PARD3B: variants seen among roughly 807,000 people sequenced by gnomAD.
PARD3B encodes the protein par-3 family cell polarity regulator beta, also known as partitioning defective 3 homolog B.
Under a neutral mutation model 130.2 loss-of-function variants are expected in PARD3B, and 103 were observed. The ratio of observed to expected loss-of-function variants is 0.79; its 90% CI spans 0.67 to 0.93. The LOEUF is 0.93. Among genes scored for constraint, PARD3B ranks in the 40% least tolerant of loss-of-function variants. The pLI is 0.00. For synonymous variants in PARD3B, 583 were observed against 553.2 expected (o/e 1.05, Z -0.76); for missense variants, 1,609 against 1,499.2 (o/e 1.07, Z -1.21).
chr2:205,273,784 T>C (rs2040833661), intron 16 of PARD3B, among the ~76,000 whole-genome samples: 1 of 152,198 alleles, frequency 6.6e-6, no homozygotes. Flanking sequence ...TCACAATGTA[T>C]ACAGTCGCAC....
chr2:205,593,500 C>T (rs1018405991), intron 22 of PARD3B, among the ~76,000 whole-genome samples: 1 of 152,120 alleles, frequency 6.6e-6, no homozygotes, highest in African/African-American at 2.4e-5. Flanking sequence ...AATTAATTTG[C>T]TAAGTAGAAA....
In PARD3B at chr2:205,346,605, G is replaced by A. The variant is rs553084219; in HGVS notation, c.2630+44904G>A. On this transcript the variant is annotated intron_variant, in intron 18 of 22. Transcript: ENST00000406610. Reference sequence around the variant, plus strand: ...TCCTGATGATATAGTACAAGCTTTCGTTAGCTCTGTTATGAGCACAAAGAC... The same window carrying A: ...TCCTGATGATATAGTACAAGCTTTCATTAGCTCTGTTATGAGCACAAAGAC... 5.9e-5 allele frequency among the ~76,000 whole-genome samples: 9 copies of A among 152,148 alleles called. No homozygotes were observed. In the South Asian group the frequency reaches 6.2e-4, roughly 11 times the overall value.
intron 1 of PARD3B, among the ~76,000 whole-genome samples, chr2:204,554,931 G>T (rs1318644570): frequency 3.3e-5 from 5 of 152,152 alleles, no homozygotes; most frequent in African/African-American, 1.2e-4. Context: ...TTCCCTTATC[G>T]GAATGGCTCA....
chr2:205,140,664 C>T (rs2032877567), intron 10 of PARD3B, among the ~76,000 whole-genome samples: 1 of 151,690 alleles, frequency 6.6e-6, no homozygotes, highest in African/African-American at 2.4e-5. Context: ...TATTTTTGTT[C>T]GAAGTTAGAG....
At chr2:204,929,205 A>C (rs1687847052) in intron 2 of PARD3B, among the ~76,000 whole-genome samples, 1 of 152,106 alleles carries the variant, frequency 6.6e-6, no homozygotes, top group South Asian at 2.1e-4. Flanking sequence ...GCTGTTAATA[A>C]AAGGTCACTA....
chr2:205,189,126 C>T (rs2036256247), intron 14 of PARD3B, among the ~76,000 whole-genome samples: 1 of 151,958 alleles, frequency 6.6e-6, no homozygotes, highest in South Asian at 2.1e-4. Context: ...TGGGCTATTC[C>T]CCACATGTTC....
At position 205,035,828 on chromosome 2, in the gene PARD3B, T is replaced by TATATATAGTGGG. The variant is rs1559374303; in HGVS notation, c.395-11753_395-11752insATATATAGTGGG. On this transcript the variant is annotated intron_variant, in intron 3 of 22. Transcript: ENST00000406610. ...ATATATATATATATATATCTATATA[T>TATATATAGTGGG]CTATATATATATATATAGTGGGCTA... Among the ~76,000 whole-genome samples, 21 of 7,970 alleles carry TATATATAGTGGG rather than the reference T, an allele frequency of 2.6e-3. 3 individuals are homozygous for TATATATAGTGGG. Among genetic ancestry groups the TATATATAGTGGG allele is most frequent in the African/African-American group, 6.4e-3 (16 of 2,490 alleles). 5.2% of individuals were successfully genotyped at this position (7,970 alleles called of 152,430 possible).
At position 205,000,895 on chromosome 2, in the gene PARD3B, G is replaced by T. The variant is rs572617195; in HGVS notation, c.394+35572G>T. ...TAACATTAGGGCCTTAGGGTTTTTT[G>T]GTTTGTTTCTGTTTTGTTTTGTCTT... On this transcript the variant is annotated intron_variant, in intron 3 of 22. Transcript: ENST00000406610. Among the ~76,000 whole-genome samples the T allele has an allele frequency of 1.7e-3, 252 of 152,096 alleles. 2 individuals are homozygous for T. Among genetic ancestry groups the T allele is most frequent in the African/African-American group, 5.6e-3 (233 of 41,472 alleles).
rs2044614813 is a variant in PARD3B, at chr2:205,366,483, C to A, written c.2631-34530C>A. On this transcript the variant is annotated intron_variant, in intron 18 of 22. Coordinates refer to ENST00000406610, the MANE Select transcript of PARD3B (RefSeq NM_001302769.2). The surrounding 1 kb of genome is among the most constrained non-coding windows in gnomAD (Gnocchi z 5.0). ...CTTTTTCTGACGAGTTTAAAAGATT[C>A]TGTAATTCACTGCATTTTACATGTG... Among the ~76,000 whole-genome samples the A allele has an allele frequency of 6.6e-6, 1 of 152,126 alleles. No homozygotes were observed. Among genetic ancestry groups the A allele is most frequent in the Non-Finnish European group, 1.5e-5 (1 of 68,032 alleles).
intron 20 of PARD3B, among the ~76,000 whole-genome samples, chr2:205,492,137 T>A (rs1470656822): frequency 6.6e-6 from 1 of 152,110 alleles, no homozygotes; most frequent in Admixed American, 6.5e-5. Flanking sequence ...GCATAGTTTT[T>A]CATCAGATTC....
intron 18 of PARD3B, among the ~76,000 whole-genome samples, chr2:205,384,294 C>A (rs1191160369): frequency 6.6e-6 from 1 of 151,958 alleles, no homozygotes; most frequent in Non-Finnish European, 1.5e-5. Context: ...TTTACTTATC[C>A]TCTGGTAGGA....
At chr2:204,688,770 A>G (rs1321423671) in intron 2 of PARD3B, among the ~76,000 whole-genome samples, 2 of 152,136 alleles carry the variant, frequency 1.3e-5, no homozygotes, top group East Asian at 1.9e-4. Context: ...GCTTAATGAC[A>G]TATCAGTCTC....
intron 16 of PARD3B, among the ~76,000 whole-genome samples, chr2:205,285,548 A>G (rs1209536416): frequency 6.6e-6 from 1 of 151,956 alleles, no homozygotes; most frequent in Non-Finnish European, 1.5e-5. Context: ...GTCTTTTCCC[A>G]TTCTCTCTGT....
At chr2:205,557,525 C>T (rs2052943930) in intron 22 of PARD3B, among the ~76,000 whole-genome samples, 2 of 152,198 alleles carry the variant, frequency 1.3e-5, no homozygotes, top group Non-Finnish European at 2.9e-5. Flanking sequence ...GGCCTGAGCT[C>T]GGAGTCAGGC....
chr2:205,313,641 TCTC>T (rs955907899), intron 18 of PARD3B, among the ~76,000 whole-genome samples: 1 of 152,192 alleles, frequency 6.6e-6, no homozygotes, highest in Non-Finnish European at 1.5e-5. Context: ...CAAACTCTCT[TCTC>T]CTAATATGCG....
At chr2:205,363,046 G>A (rs1301128937) in intron 18 of PARD3B, among the ~76,000 whole-genome samples, 2 of 152,072 alleles carry the variant, frequency 1.3e-5, no homozygotes, top group African/African-American at 4.8e-5. Context: ...CCAAAGCTGT[G>A]GGACTTCAGG....
chr2:205,495,946 A>G (rs1039626519), intron 20 of PARD3B, among the ~76,000 whole-genome samples: 2 of 152,070 alleles, frequency 1.3e-5, no homozygotes, highest in Admixed American at 6.5e-5. Context: ...TACAATTCCT[A>G]TAGATTAGTA....
At chr2:205,363,819 A>G (rs1211530525) in intron 18 of PARD3B, among the ~76,000 whole-genome samples, 1 of 144,286 alleles carries the variant, frequency 6.9e-6, no homozygotes, top group Non-Finnish European at 1.5e-5. Context: ...CATGCGCCAC[A>G]ACGCCTGACT....
chr2:205,139,344 A>G (rs2032754766), intron 10 of PARD3B, among the ~76,000 whole-genome samples: 1 of 152,144 alleles, frequency 6.6e-6, no homozygotes, highest in African/African-American at 2.4e-5. Flanking sequence ...TGAATGAATT[A>G]CAAACATTAT....
Sources: allele counts gnomAD v4.1 joint callset (sites outside exome capture counted in the v4.1 genomes callset), GRCh38; gene constraint gnomAD v4.1.1; non-coding constraint Gnocchi (gnomAD v3.1); transcripts MANE v1.5; gene names NCBI Gene and HGNC (gene_info 2026-07-23, HGNC 2026-07-21).